The following VILL variants were observed in gnomAD, a reference collection of about 807,000 sequenced individuals.
The protein encoded by VILL is villin-like protein.
A neutral mutation model predicts 106.3 loss-of-function variants in VILL; 102 were observed. That is an observed-to-expected ratio of 0.96 (90% CI 0.82 to 1.13). The LOEUF (loss-of-function observed/expected upper bound fraction) is 1.13, where lower values mean the gene tolerates loss of function less well. Among genes scored for constraint, VILL ranks in the 50% most tolerant of loss-of-function variants. The pLI, the probability that VILL is intolerant of heterozygous loss-of-function variation, is 0.00. For synonymous variants in VILL, 431 were observed against 440.3 expected (o/e 0.98, Z 0.27); for missense variants, 1,076 against 1,116.6 (o/e 0.96, Z 0.52).
chr3:37,988,414 T>C (rs759379248), upstream of VILL, among the ~76,000 whole-genome samples: 3 of 151,978 alleles, frequency 2.0e-5, no homozygotes, highest in Admixed American at 2.0e-4. Context: ...GAAAATAGAA[T>C]GGTGGTTGCA....
intron 17 of VILL, 30 bp from the exon 18 acceptor site, chr3:38,006,151 C>A (rs1299249904): frequency 1.2e-6 from 2 of 1,613,984 alleles, no homozygotes; most frequent in Non-Finnish European, 1.7e-6. Context: ...CCTGCCCTGG[C>A]CCTGATACTT....
chr3:38,004,756 C>T (rs1419102444), intron 16 of VILL, among the ~76,000 whole-genome samples: 1 of 152,190 alleles, frequency 6.6e-6, no homozygotes, highest in African/African-American at 2.4e-5. Flanking sequence ...TTGGAATGCC[C>T]AATCGCATCA....
chr3:37,998,922 A>G lies in VILL; in HGVS notation c.953A>G (p.Gln318Arg), dbSNP rs554089273. The G allele has an allele frequency of 1.7e-5, 27 of 1,601,688 alleles. No individual in the cohort carries two copies. In the Admixed American group the frequency reaches 3.7e-4, roughly 22 times the overall value. The part of the protein sequence containing the change: ...AAFSRAVGFI[Q>R]AKGYPTYTNV... The stretch of plus-strand genomic sequence containing the variant: ...TGCCTTCCGCCCCAGGGCTTCATCC[A>G]GGCCAAGGGCTACCCGACCTACACC... The change falls in exon 10 of 20, where the codon CAG (glutamine) becomes CGG (arginine). Residue 318 changes from glutamine (Q) to arginine (R), a missense_variant. Transcript: ENST00000383759. This position sits in a 1 kb window ranked among gnomAD's most constrained non-coding sequence, Gnocchi z 4.1.
chr3:37,995,275 C>T (rs1049997499), intron 4 of VILL, among the ~76,000 whole-genome samples: 2 of 152,212 alleles, frequency 1.3e-5, no homozygotes, highest in African/African-American at 4.8e-5. Flanking sequence ...ACAGTTGAAC[C>T]TATATATGCA....
At chr3:37,993,804 C>A (rs1395196076) in intron 2 of VILL, 72 bp downstream of exon 2, 2 of 1,605,772 alleles carry the variant, frequency 1.2e-6, no homozygotes, top group Non-Finnish European at 1.7e-6. Flanking sequence ...AGGCTTCTCC[C>A]GCCCCCAACT....
Position 38,006,538 on chromosome 3 carries a change from C to T in VILL, c.2295C>T (p.Ser765=), listed in dbSNP as rs11550975. The T allele has an allele frequency of 1.9e-6, 3 of 1,614,142 alleles. No homozygotes were observed. In the African/African-American group the frequency reaches 4.0e-5, roughly 22 times the overall value. ...ALQALKGSQD[S]SENDLVRSPK... is the part of the protein sequence containing the mutation. Reference sequence around the variant, plus strand: ...AGGCCCTCAAGGGCTCCCAGGACAGCTCAGAGAATGATCTGGTGCGAAGCC... The same window carrying T: ...AGGCCCTCAAGGGCTCCCAGGACAGTTCAGAGAATGATCTGGTGCGAAGCC... Residue 765 remains serine, a synonymous_variant, in exon 19 of 20, where the codon AGC becomes AGT. Transcript: ENST00000383759.
chr3:38,003,745 G>GATC, intron 15 of VILL: 1 of 208,666 alleles, frequency 4.8e-6, no homozygotes, highest in Non-Finnish European at 9.9e-6. Context: ...GACAGGGTGT[G>GATC]TGTAGGAGGT....
chr3:37,997,448 T>G lies in VILL; in HGVS notation c.562-35T>G, dbSNP rs778704810. On this transcript the variant is annotated intron_variant, in intron 6 of 19. Transcript: ENST00000383759. This position sits in a 1 kb window ranked among gnomAD's most constrained non-coding sequence, Gnocchi z 4.7. ...AAGTCTCTGCTGTGAGAGGGCACAC[T>G]GGTGACACCCTGACTCCCAGGTCCT... 6.2e-7 allele frequency: 1 copy of G among 1,607,118 alleles called. No homozygotes were observed. Among genetic ancestry groups the G allele is most frequent in the Non-Finnish European group, 8.5e-7 (1 of 1,177,220 alleles).
At chr3:38,004,802 G>A (rs369969529) in intron 16 of VILL, among the ~76,000 whole-genome samples, 6 of 152,302 alleles carry the variant, frequency 3.9e-5, no homozygotes, top group Admixed American at 3.3e-4. Flanking sequence ...GTTTGCCTTC[G>A]TGCACCTGTG....
At chr3:37,992,520 A>G (rs1173272803) in intron 1 of VILL, among the ~76,000 whole-genome samples, 1 of 152,122 alleles carries the variant, frequency 6.6e-6, no homozygotes, top group Non-Finnish European at 1.5e-5. Flanking sequence ...ACAAGTACTT[A>G]CTGAGTACCT....
intron 5 of VILL, 82 bp from the exon 6 acceptor site, chr3:37,996,995 C>T: frequency 3.2e-6 from 4 of 1,251,798 alleles, no homozygotes; most frequent in Non-Finnish European, 4.7e-6. Flanking sequence ...CAGCTTCATG[C>T]ACACGTGACA....
In VILL at chr3:37,998,373, T is replaced by C. The variant is rs1559656840; in HGVS notation, c.942+9T>C. 2 of 1,613,032 alleles carry C rather than the reference T, an allele frequency of 1.2e-6. No individual in the cohort carries two copies. The highest frequency in any genetic ancestry group is 1.7e-6 in the Non-Finnish European group (2 of 1,179,186). ...CCTTCAGCCGGGCTGTGGTGAGCCC[T>C]GGGGCTCTGTCTGAGAGGAACAGAG... On this transcript the variant is annotated intron_variant, in intron 9 of 19. Coordinates refer to ENST00000383759, the MANE Select transcript of VILL (RefSeq NM_015873.4). This position sits in a 1 kb window ranked among gnomAD's most constrained non-coding sequence, Gnocchi z 4.1.
chr3:37,999,964 CA>C (rs1425447344), intron 11 of VILL, among the ~76,000 whole-genome samples: 1 of 152,290 alleles, frequency 6.6e-6, no homozygotes, highest in Non-Finnish European at 1.5e-5. Flanking sequence ...GGTCTCAGCC[CA>C]GTGTCCTGCG....
chr3:38,001,982 C>T, intron 13 of VILL, 122 bp downstream of exon 13: 1 of 1,489,368 alleles, frequency 6.7e-7, no homozygotes, highest in South Asian at 1.2e-5. Context: ...CCCTAGTTTC[C>T]CAGAGCTTGT....
At chr3:37,989,273 C>A (rs1267511232), upstream of VILL, among the ~76,000 whole-genome samples, 2 of 152,140 alleles carry the variant, frequency 1.3e-5, no homozygotes, top group African/African-American at 4.8e-5. Context: ...AATGTGAGAC[C>A]AAACGTGCTG....
intron 1 of VILL, among the ~76,000 whole-genome samples, chr3:37,991,369 G>C (rs1235083124): frequency 6.6e-6 from 1 of 150,600 alleles, no homozygotes; most frequent in Non-Finnish European, 1.5e-5. Context: ...GGGAAGAGAA[G>C]GAAAGACCTG....
chr3:37,995,729 C>A lies in VILL; in HGVS notation c.342-10C>A. 1.2e-6 allele frequency: 2 copies of A among 1,609,996 alleles called. No homozygotes were observed. The highest frequency in any genetic ancestry group is 1.1e-5 in the South Asian group (1 of 90,922). On this transcript the variant is annotated splice_polypyrimidine_tract_variant and intron_variant, in intron 4 of 19. Coordinates refer to ENST00000383759, the MANE Select transcript of VILL (RefSeq NM_015873.4). ...AGAATGTATATACCCTCCTGCTATT[C>A]CCACCTCAGCTACAGGAAGGGAGGC... is the stretch of plus-strand genomic sequence containing the variant.
Position 38,004,106 on chromosome 3 carries a change from G to A in VILL, c.1806-149G>A, listed in dbSNP as rs192335600. ...GACCCTGTACCCAGAGCAGAGCGGA[G>A]TGCTCGGGGAGAAACCACGGGGCTC... On this transcript the variant is annotated intron_variant, in intron 15 of 19. Coordinates refer to ENST00000383759, the MANE Select transcript of VILL (RefSeq NM_015873.4). The A allele has an allele frequency of 3.5e-3, 3,630 of 1,031,078 alleles. 120 individuals carry two copies. The South Asian group carries it at 0.055, about 16-fold the overall frequency. The allele number at this position is 1,031,078 out of a possible 1,614,324, so 63.9% of individuals were successfully genotyped here. A position where few individuals can be genotyped will look rare whatever the true frequency, so the allele number is the denominator to read the frequency against.
At chr3:38,002,695 A>G (rs1699841662) in intron 14 of VILL, 120 bp downstream of exon 14, 6 of 1,189,160 alleles carry the variant, frequency 5.0e-6, no homozygotes, top group South Asian at 4.5e-5. Context: ...GATGGGGGGA[A>G]TGGGGAGGGG....
Sources: gnomAD v4.1 joint callset for allele counts (sites outside exome capture counted in the v4.1 genomes callset) on GRCh38, gnomAD v4.1.1 for gene constraint, Gnocchi (gnomAD v3.1) non-coding constraint, MANE v1.5 for transcripts, NCBI Gene and HGNC (gene_info 2026-07-23, HGNC 2026-07-21) for gene names.